SDK1: variants seen among roughly 807,000 people sequenced by gnomAD.
SDK1 encodes the protein sidekick cell adhesion molecule 1, also known as protein sidekick-1.
A neutral mutation model predicts 245.5 loss-of-function variants in SDK1; 157 were observed. The observed-to-expected ratio is 0.64, with a 90% CI of 0.56 to 0.73. SDK1 has a LOEUF of 0.73. SDK1 is among the 30% of genes least tolerant of loss of function. The pLI, the probability that SDK1 is intolerant of heterozygous loss-of-function variation, is 0.00. For missense variants in SDK1, 3,583 were observed against 3,002.3 expected, an observed-to-expected ratio of 1.19 and a Z score of -4.52; for synonymous variants, 1,647 against 1,278.5, an observed-to-expected ratio of 1.29 and a Z score of -6.15.
intron 1 of SDK1, among the ~76,000 whole-genome samples, chr7:3,307,567 A>C (rs1779447770): frequency 6.6e-6 from 1 of 152,192 alleles, no homozygotes; most frequent in South Asian, 2.1e-4. Context: ...ATGTATGTGC[A>C]ATTCTAGTGT....
intron 4 of SDK1, among the ~76,000 whole-genome samples, chr7:3,754,265 A>G (rs1398705118): frequency 6.6e-6 from 1 of 152,182 alleles, no homozygotes; most frequent in East Asian, 1.9e-4. Context: ...TGTTTTTAAG[A>G]AAGTTTCTTA....
rs1313092253 is a variant in SDK1 at position 4,212,017 on chromosome 7, C to G, written c.5539+1855C>G. 4.6e-5 allele frequency among the ~76,000 whole-genome samples: 7 copies of G among 152,342 alleles called. No homozygotes were observed. The South Asian group carries it at 6.2e-4, about 14-fold the overall frequency. On this transcript the variant is annotated intron_variant, in intron 38 of 44. Transcript: ENST00000404826. Reference sequence around the variant, plus strand: ...TGGGAGGCACGTCTTTCCCACCACACTGGGGTGAAATACAAGTCCAGCTGT... The same window carrying G: ...TGGGAGGCACGTCTTTCCCACCACAGTGGGGTGAAATACAAGTCCAGCTGT...
intron 1 of SDK1, among the ~76,000 whole-genome samples, chr7:3,509,563 C>G (rs1189662655): frequency 1.3e-5 from 2 of 152,128 alleles, no homozygotes; most frequent in African/African-American, 4.8e-5. Flanking sequence ...TTTTACAGTT[C>G]CCAAAGTGAG....
At chr7:3,496,975 C>T (rs535885133) in intron 1 of SDK1, among the ~76,000 whole-genome samples, 2 of 152,248 alleles carry the variant, frequency 1.3e-5, no homozygotes, top group East Asian at 3.9e-4. Flanking sequence ...ATTTCTATCC[C>T]TCCACATTCT....
At chr7:3,941,743 G>A (rs1421586981) in intron 5 of SDK1, among the ~76,000 whole-genome samples, 2 of 152,194 alleles carry the variant, frequency 1.3e-5, no homozygotes, top group Admixed American at 6.5e-5. Flanking sequence ...CACCAAACTC[G>A]AACCTCTTTG....
intron 14 of SDK1, among the ~76,000 whole-genome samples, chr7:4,002,861 G>A (rs1313058184): frequency 6.6e-6 from 1 of 152,212 alleles, no homozygotes. Flanking sequence ...TGGGACCCGG[G>A]GAGGGCCCGA....
rs765996731 is a variant in SDK1, at chr7:3,971,472, C to T, written c.1721C>T (p.Thr574Met). 1.2e-6 allele frequency: 2 copies of T among 1,610,306 alleles called. No individual in the cohort carries two copies. Among genetic ancestry groups the T allele is most frequent in the South Asian group, 1.1e-5 (1 of 90,562 alleles). ...TGACTTGTGTTTTTTTCAGATCGGA[C>T]GTCCATCGTCCACCCTCCTGAGGAC... Reference protein sequence around the residue: ...ASATLTVWNRTSIVHPPEDHV... With the variant: ...ASATLTVWNRMSIVHPPEDHV... Residue 574 changes from threonine to methionine, a missense_variant, in exon 12 of 45, where the codon ACG becomes ATG. Coordinates refer to ENST00000404826, the MANE Select transcript of SDK1 (RefSeq NM_152744.4).
At chr7:4,088,096 G>A (rs747504215) in intron 22 of SDK1, among the ~76,000 whole-genome samples, 4 of 152,160 alleles carry the variant, frequency 2.6e-5, no homozygotes, top group Admixed American at 6.5e-5. Flanking sequence ...ATTACCTGCC[G>A]AGGTCACACA....
rs192199834 is a variant in SDK1 at position 3,435,032 on chromosome 7, C to T, written c.298+133148C>T. 9.2e-5 allele frequency among the ~76,000 whole-genome samples: 14 copies of T among 152,284 alleles called. No individual in the cohort carries two copies. The East Asian group carries it at 2.7e-3, about 29-fold the overall frequency. On this transcript the variant is annotated intron_variant, in intron 1 of 44. Transcript: ENST00000404826. ...CCGTCTGGATCCCATTAATAAGATA[C>T]AAAGTTATATCCCAAAAGTACCAAA...
In SDK1 at chr7:3,579,534, A is replaced by G. The variant is rs1384380027; in HGVS notation, c.299-39546A>G. Among the ~76,000 whole-genome samples, 5 of 152,346 alleles carry G rather than the reference A, an allele frequency of 3.3e-5. No homozygotes were observed. In the South Asian group the frequency reaches 1.0e-3, roughly 32 times the overall value. On this transcript the variant is annotated intron_variant, in intron 1 of 44. Coordinates refer to ENST00000404826, the MANE Select transcript of SDK1 (RefSeq NM_152744.4). ...GTTGAAGGAAAACCTCAAAATAATA[A>G]GAGCCATCTATGACAAACCCATAGC...
Position 4,174,233 on chromosome 7 carries a change from C to G in SDK1, c.4812C>G (p.Asp1604Glu), listed in dbSNP as rs145365653. ...SVLIQWQPPR[D>E]ESLNGLLQGY... Reference sequence around the variant, plus strand: ...TGATGTCTTTGCAGCCTCCGAGGGACGAAAGCCTGAATGGCCTTCTTCAGG... The same window carrying G: ...TGATGTCTTTGCAGCCTCCGAGGGAGGAAAGCCTGAATGGCCTTCTTCAGG... Residue 1604 changes from aspartate to glutamate, a missense_variant, in exon 33 of 45, where the codon GAC (aspartate) becomes GAG (glutamate). By Grantham distance (45) the Asp-to-Glu change is conservative (BLOSUM62 2). Coordinates refer to ENST00000404826, the MANE Select transcript of SDK1 (RefSeq NM_152744.4). 6.2e-7 allele frequency: 1 copy of G among 1,614,022 alleles called. No homozygotes were observed. Among genetic ancestry groups the G allele is most frequent in the Non-Finnish European group, 8.5e-7 (1 of 1,179,946 alleles).
intron 4 of SDK1, among the ~76,000 whole-genome samples, chr7:3,739,527 G>C (rs913552858): frequency 6.6e-6 from 1 of 151,966 alleles, no homozygotes; most frequent in African/African-American, 2.4e-5. Context: ...CTGTCTTCAA[G>C]TTCAGTGATT....
rs527945818 is a variant in SDK1, at chr7:4,169,479, C to G, written c.4801-4743C>G. On this transcript the variant is annotated intron_variant, in intron 32 of 44. Transcript: ENST00000404826. ...GCCCTTCTCCCCTCATCAAAAGCCG[C>G]CTCCTCCTCCAAGGGCAGCTCAAAC... Among the ~76,000 whole-genome samples, 4 of 152,338 alleles carry G rather than the reference C, an allele frequency of 2.6e-5. No individual in the cohort carries two copies. The South Asian group carries it at 8.3e-4, about 32-fold the overall frequency.
chr7:3,906,329 G>A (rs1778925482), intron 5 of SDK1, among the ~76,000 whole-genome samples: 1 of 152,082 alleles, frequency 6.6e-6, no homozygotes, highest in Non-Finnish European at 1.5e-5. Context: ...AAGTTCAGGG[G>A]TGGAAATTCT....
At chr7:4,096,094 C>A (rs1161983942) in intron 22 of SDK1, among the ~76,000 whole-genome samples, 1 of 152,230 alleles carries the variant, frequency 6.6e-6, no homozygotes, top group East Asian at 1.9e-4. Context: ...CTGTGCATGT[C>A]TTCTCTGTGA....
At chr7:3,792,613 C>CCCAT (rs3084872) in intron 4 of SDK1, among the ~76,000 whole-genome samples, 4 of 148,450 alleles carry the variant, frequency 2.7e-5, no homozygotes, top group African/African-American at 5.0e-5. Flanking sequence ...CTTTCTCCCT[C>CCCAT]CCATCCATCC....
chr7:3,584,022 A>C (rs561663967), intron 1 of SDK1, among the ~76,000 whole-genome samples: 99 of 152,320 alleles, frequency 6.5e-4, no homozygotes, highest in Admixed American at 2.2e-3. Context: ...AGGGAACGGA[A>C]TGCCAATCTA....
At chr7:3,336,389 G>A (rs775558719) in intron 1 of SDK1, among the ~76,000 whole-genome samples, 8 of 152,186 alleles carry the variant, frequency 5.3e-5, no homozygotes, top group Non-Finnish European at 8.8e-5. Context: ...AGCAGGTGAT[G>A]CTCTGACTTC....
In SDK1 at chr7:3,546,464, C is replaced by A. The variant is rs116230140; in HGVS notation, c.299-72616C>A. ...AAGGCTCTCTGAAGGTATCTTCTTACAATATCCTACAGATTGAGAATCATG... is the reference window on the plus strand; with the variant it reads ...AAGGCTCTCTGAAGGTATCTTCTTAAAATATCCTACAGATTGAGAATCATG... On this transcript the variant is annotated intron_variant, in intron 1 of 44. Coordinates refer to ENST00000404826, the MANE Select transcript of SDK1 (RefSeq NM_152744.4). Among the ~76,000 whole-genome samples the A allele has an allele frequency of 8.8e-4, 134 of 152,326 alleles. No homozygotes were observed. In the Middle Eastern group the frequency reaches 0.024, roughly 27 times the overall value.
Sources: allele counts gnomAD v4.1 joint callset (sites outside exome capture counted in the v4.1 genomes callset), GRCh38; gene constraint gnomAD v4.1.1; transcripts MANE v1.5; gene names NCBI Gene and HGNC (gene_info 2026-07-23, HGNC 2026-07-21).